The following IL1RAP variants were observed in gnomAD, a reference collection of about 807,000 sequenced individuals.
IL1RAP encodes the protein interleukin 1 receptor accessory protein.
A neutral mutation model predicts 60.7 loss-of-function variants in IL1RAP; 35 were observed. The observed-to-expected ratio is 0.58, with a 90% CI of 0.44 to 0.76. The LOEUF (loss-of-function observed/expected upper bound fraction) is 0.76, where lower values mean the gene tolerates loss of function less well. Among genes scored for constraint, IL1RAP ranks in the 30% least tolerant of loss-of-function variants. The pLI, the probability that IL1RAP is intolerant of heterozygous loss-of-function variation, is 0.00. For synonymous variants in IL1RAP, 268 were observed against 250.9 expected (o/e 1.07, Z -0.64); for missense variants, 572 against 693.9 (o/e 0.82, Z 1.97).
At chr3:190,551,067 A>T (rs1466828751) in intron 1 of IL1RAP, among the ~76,000 whole-genome samples, 2 of 152,192 alleles carry the variant, frequency 1.3e-5, no homozygotes, top group Non-Finnish European at 2.9e-5. Flanking sequence ...GTATCTTCAA[A>T]TACCTATGAG....
intron 3 of IL1RAP, among the ~76,000 whole-genome samples, chr3:190,600,553 A>T (rs1474894849): frequency 6.6e-6 from 1 of 152,178 alleles, no homozygotes; most frequent in Non-Finnish European, 1.5e-5. Flanking sequence ...CCATCAAAGT[A>T]CCCAACCTAA....
chr3:190,601,905 G>C (rs1217870517), intron 3 of IL1RAP, among the ~76,000 whole-genome samples: 1 of 152,120 alleles, frequency 6.6e-6, no homozygotes, highest in Non-Finnish European at 1.5e-5. Context: ...AGTGACAACA[G>C]AGTTCCAAGA....
At position 190,649,831 on chromosome 3, in the gene IL1RAP, A is replaced by G; in HGVS notation, c.*1126A>G. 2.0e-6 allele frequency: 2 copies of G among 985,316 alleles called. No homozygotes were observed. The highest frequency in any genetic ancestry group is 2.4e-6 in the Non-Finnish European group (2 of 829,864). 61.0% of individuals were successfully genotyped at this position (985,316 alleles called of 1,614,324 possible). A position where few individuals can be genotyped will look rare whatever the true frequency, so the allele number is the denominator to read the frequency against. On this transcript the variant is annotated 3_prime_UTR_variant, in exon 12 of 12. Coordinates refer to ENST00000447382, the MANE Select transcript of IL1RAP (RefSeq NM_002182.4). ...TCAGTATGAGAAGTCACTGTCAATG[A>G]AAGTTGTTTTGTTTGTTTTCAGTAA...
intron 6 of IL1RAP, among the ~76,000 whole-genome samples, chr3:190,621,740 A>G (rs1731798804): frequency 6.8e-6 from 1 of 147,496 alleles, no homozygotes; most frequent in African/African-American, 2.6e-5. Flanking sequence ...CTGCGATATG[A>G]GTTTTAATTA....
At chr3:190,575,888 C>G (rs1727400577) in intron 3 of IL1RAP, among the ~76,000 whole-genome samples, 1 of 152,138 alleles carries the variant, frequency 6.6e-6, no homozygotes, top group Admixed American at 6.5e-5. Context: ...AAATAAATGT[C>G]ATTTAAAATG....
rs114226534 is a variant in IL1RAP at position 190,651,459 on chromosome 3, A to G, written c.*2754A>G. ...TGAACTTTTGTATTTTTCATTTTTCATTTGATTTGTAAATTTACTTATGTT... is the reference window on the plus strand; with the variant it reads ...TGAACTTTTGTATTTTTCATTTTTCGTTTGATTTGTAAATTTACTTATGTT... On this transcript the variant is annotated 3_prime_UTR_variant, in exon 12 of 12. Transcript: ENST00000447382. The G allele has an allele frequency of 2.2e-3, 1,212 of 543,874 alleles. 11 individuals are homozygous for G. In the African/African-American group the frequency reaches 0.024, roughly 11 times the overall value. The allele number at this position is 543,874 out of a possible 1,614,324, so 33.7% of individuals were successfully genotyped here.
intron 3 of IL1RAP, among the ~76,000 whole-genome samples, chr3:190,571,828 T>A (rs1326243591): frequency 1.3e-5 from 2 of 152,188 alleles, no homozygotes; most frequent in African/African-American, 2.4e-5. Context: ...CTTAAAACAT[T>A]ATGGACTTTT....
chr3:190,623,295 A>T, intron 6 of IL1RAP, 49 bp from the exon 7 acceptor site: 1 of 1,410,406 alleles, frequency 7.1e-7, no homozygotes, highest in Non-Finnish European at 1.0e-6. Flanking sequence ...ATTTTTAATA[A>T]GGCTGCCTGA....
chr3:190,623,014 T>A (rs1387579192), intron 6 of IL1RAP, among the ~76,000 whole-genome samples: 1 of 152,162 alleles, frequency 6.6e-6, no homozygotes, highest in African/African-American at 2.4e-5. Flanking sequence ...TCCAAAGGTC[T>A]TAGAAGCTGT....
intron 7 of IL1RAP, among the ~76,000 whole-genome samples, chr3:190,625,694 CA>C (rs367803379): frequency 4.0e-5 from 6 of 151,196 alleles, no homozygotes; most frequent in African/African-American, 1.5e-4. Context: ...AGAACAATGC[CA>C]AAAAAAATCA....
intron 3 of IL1RAP, among the ~76,000 whole-genome samples, chr3:190,577,906 G>T (rs1727637986): frequency 6.6e-6 from 1 of 152,090 alleles, no homozygotes; most frequent in African/African-American, 2.4e-5. Flanking sequence ...GTTTATTTCT[G>T]CCCCTTTTAA....
At chr3:190,656,411 T>C, downstream of IL1RAP, 1 of 1,537,180 alleles carries the variant, frequency 6.5e-7, no homozygotes, top group South Asian at 1.2e-5. Context: ...GAGAATCACC[T>C]TAGGAACAAG....
chr3:190,528,302 C>T (rs932668441), intron 1 of IL1RAP, among the ~76,000 whole-genome samples: 3 of 152,178 alleles, frequency 2.0e-5, no homozygotes, highest in African/African-American at 7.2e-5. Context: ...ATTCCCCATA[C>T]AATTAACAGT....
downstream of IL1RAP, chr3:190,655,841 T>C (rs1734601169): frequency 4.5e-6 from 6 of 1,334,088 alleles, no homozygotes; most frequent in Non-Finnish European, 5.2e-6. Context: ...AACTGGAATA[T>C]ATGTAAGTTT....
At chr3:190,590,604 G>C (rs1728863506) in intron 3 of IL1RAP, among the ~76,000 whole-genome samples, 1 of 152,128 alleles carries the variant, frequency 6.6e-6, no homozygotes, top group South Asian at 2.1e-4. Flanking sequence ...ATGCCATTTA[G>C]CTTGTTTTCA....
intron 9 of IL1RAP, chr3:190,642,542 T>C (rs1402210225): frequency 6.6e-6 from 1 of 152,210 alleles, no homozygotes; most frequent in Admixed American, 6.5e-5. Context: ...TTCTAAGCTG[T>C]GTCTCAGCAA....
chr3:190,619,235 A>G (rs1199117604), intron 5 of IL1RAP, among the ~76,000 whole-genome samples: 1 of 152,226 alleles, frequency 6.6e-6, no homozygotes, highest in Non-Finnish European at 1.5e-5. Flanking sequence ...TAATTTAGCC[A>G]AATAGTGAGA....
At chr3:190,579,227 A>G (rs1417627177) in intron 3 of IL1RAP, among the ~76,000 whole-genome samples, 1 of 152,146 alleles carries the variant, frequency 6.6e-6, no homozygotes, top group Admixed American at 6.5e-5. Flanking sequence ...TCCTTCAACC[A>G]TCAGCCTTTC....
chr3:190,593,221 A>C (rs1729094753), intron 3 of IL1RAP, among the ~76,000 whole-genome samples: 1 of 151,950 alleles, frequency 6.6e-6, no homozygotes, highest in Non-Finnish European at 1.5e-5. Flanking sequence ...ATGTCTAATT[A>C]TCTGGTCCTG....
Sources: allele counts gnomAD v4.1 joint callset (sites outside exome capture counted in the v4.1 genomes callset), GRCh38; gene constraint gnomAD v4.1.1; transcripts MANE v1.5; gene names NCBI Gene and HGNC (gene_info 2026-07-23, HGNC 2026-07-21).